Variants in CCDC85A observed in about 807,000 individuals in gnomAD.
CCDC85A encodes the protein coiled-coil domain-containing protein 85A.
In CCDC85A, 38 loss-of-function variants were observed where a neutral mutation model predicts 50.2. That is an observed-to-expected ratio of 0.76 (90% CI 0.58 to 0.99). The LOEUF is 0.99. CCDC85A is among the 50% of genes least tolerant of loss of function. The pLI is 0.00. For synonymous variants in CCDC85A, 366 were observed against 301.4 expected (o/e 1.21, Z -2.22); for missense variants, 820 against 742.0 (o/e 1.11, Z -1.22).
At chr2:56,362,029 G>A (rs1383152546) in intron 3 of CCDC85A, among the ~76,000 whole-genome samples, 1 of 152,092 alleles carries the variant, frequency 6.6e-6, no homozygotes, top group Non-Finnish European at 1.5e-5. Context: ...GTAGAGCTAA[G>A]GGTGCTTAAT....
chr2:56,308,915 C>A (rs2104217372), intron 2 of CCDC85A, among the ~76,000 whole-genome samples: 1 of 152,202 alleles, frequency 6.6e-6, no homozygotes, highest in African/African-American at 2.4e-5. Flanking sequence ...CACCTTTTGT[C>A]AAGAGTGAGC....
At chr2:56,283,561 CTGATA>C (rs1242209773) in intron 2 of CCDC85A, among the ~76,000 whole-genome samples, 1 of 152,080 alleles carries the variant, frequency 6.6e-6, no homozygotes, top group Middle Eastern at 3.2e-3. Flanking sequence ...ATGATGAATT[CTGATA>C]TGTAACTTTT....
At chr2:56,227,199 A>G (rs937707772) in intron 2 of CCDC85A, among the ~76,000 whole-genome samples, 14 of 152,056 alleles carry the variant, frequency 9.2e-5, no homozygotes, top group Non-Finnish European at 2.1e-4. Flanking sequence ...ATTTCTTTAC[A>G]TTCTTTTTTC....
chr2:56,219,476 C>A (rs973789500), intron 2 of CCDC85A, among the ~76,000 whole-genome samples: 1 of 151,444 alleles, frequency 6.6e-6, no homozygotes, highest in South Asian at 2.1e-4. Flanking sequence ...CATTTTGAAC[C>A]CCTATTCTGC....
At chr2:56,377,938 T>G (rs530436356) in intron 5 of CCDC85A, among the ~76,000 whole-genome samples, 24 of 152,076 alleles carry the variant, frequency 1.6e-4, no homozygotes, top group African/African-American at 1.9e-4. Flanking sequence ...GATTTTATGT[T>G]ATATTCAGTA....
At chr2:56,328,995 G>A (rs1317888920) in intron 2 of CCDC85A, among the ~76,000 whole-genome samples, 1 of 152,036 alleles carries the variant, frequency 6.6e-6, no homozygotes, top group African/African-American at 2.4e-5. Context: ...TTCCTCAGTG[G>A]GCTCCTCCTG....
chr2:56,276,969 A>G (rs1670976647), intron 2 of CCDC85A, among the ~76,000 whole-genome samples: 1 of 152,144 alleles, frequency 6.6e-6, no homozygotes, highest in African/African-American at 2.4e-5. Flanking sequence ...TAGAATTACT[A>G]CACAGCCTGA....
chr2:56,316,967 C>T (rs2104245313), intron 2 of CCDC85A, among the ~76,000 whole-genome samples: 1 of 152,144 alleles, frequency 6.6e-6, no homozygotes, highest in African/African-American at 2.4e-5. Context: ...CATCCCTAAA[C>T]CAGAGTTACG....
Position 56,379,837 on chromosome 2 carries a change from G to A in CCDC85A, c.1572+3902G>A, listed in dbSNP as rs1050101358. 1.3e-5 allele frequency: 13 copies of A among 975,920 alleles called. No individual in the cohort carries two copies. The African/African-American group carries it at 2.1e-4, about 16-fold the overall frequency. 60.5% of individuals were successfully genotyped at this position (975,920 alleles called of 1,614,324 possible). On this transcript the variant is annotated intron_variant, in intron 5 of 5. Transcript: ENST00000407595. ...TGAGACAGAAAAAGCTATAGTCAGA[G>A]AAATGTGCAATGTAAGTTTAATGTG... is the stretch of plus-strand genomic sequence containing the variant.
intron 2 of CCDC85A, among the ~76,000 whole-genome samples, chr2:56,255,816 A>G (rs1390279607): frequency 6.6e-6 from 1 of 152,132 alleles, no homozygotes; most frequent in East Asian, 1.9e-4. Context: ...GAACATGGTG[A>G]TAGGTACAGA....
chr2:56,252,701 G>A (rs763373880), intron 2 of CCDC85A, among the ~76,000 whole-genome samples: 11 of 151,894 alleles, frequency 7.2e-5, no homozygotes, highest in South Asian at 2.1e-4. Flanking sequence ...GGGCCCCCCC[G>A]CCCAACCGAC....
intron 2 of CCDC85A, among the ~76,000 whole-genome samples, chr2:56,281,193 A>G (rs1197045672): frequency 1.3e-5 from 2 of 152,104 alleles, no homozygotes; most frequent in East Asian, 3.8e-4. Flanking sequence ...ACCATACAGT[A>G]TTTACTTGTG....
At chr2:56,305,518 T>G (rs140406014) in intron 2 of CCDC85A, among the ~76,000 whole-genome samples, 34 of 152,348 alleles carry the variant, frequency 2.2e-4, no homozygotes, top group African/African-American at 7.9e-4. Context: ...GAGTACTCTG[T>G]AGTATGCAAC....
intron 2 of CCDC85A, among the ~76,000 whole-genome samples, chr2:56,237,142 G>C (rs1294664110): frequency 6.6e-6 from 1 of 152,044 alleles, no homozygotes; most frequent in Non-Finnish European, 1.5e-5. Context: ...GAATCTGATG[G>C]CTTCACCAAG....
intron 2 of CCDC85A, among the ~76,000 whole-genome samples, chr2:56,293,679 A>T (rs932727080): frequency 5.9e-5 from 9 of 152,368 alleles, no homozygotes; most frequent in African/African-American, 1.9e-4. Flanking sequence ...GAAGACATAT[A>T]TGCAACCAAC....
intron 2 of CCDC85A, among the ~76,000 whole-genome samples, chr2:56,298,288 AG>A (rs761647680): frequency 2.0e-5 from 3 of 152,134 alleles, no homozygotes; most frequent in Non-Finnish European, 2.9e-5. Context: ...TACAGAAGTG[AG>A]GGTTCTGGTG....
In CCDC85A at chr2:56,236,363, G is replaced by T. The variant is rs13420294; in HGVS notation, c.1240+42923G>T. The stretch of plus-strand genomic sequence containing the variant: ...CCTGACAGATCAGAATGTTGAGAGA[G>T]TTGAGGCAGCCGGGAGAATGGGACA... On this transcript the variant is annotated intron_variant, in intron 2 of 5. Coordinates refer to ENST00000407595, the MANE Select transcript of CCDC85A (RefSeq NM_001080433.2). Among the ~76,000 whole-genome samples, 1,026 of 152,288 alleles carry T rather than the reference G, an allele frequency of 6.7e-3. 5 individuals carry two copies. Among genetic ancestry groups the T allele is most frequent in the African/African-American group, 0.023 (956 of 41,570 alleles).
chr2:56,262,680 G>C (rs4672104), intron 2 of CCDC85A, among the ~76,000 whole-genome samples: 13,011 of 152,200 alleles, frequency 0.085, 774 homozygotes, highest in Admixed American at 0.2. Context: ...ACTACAGCAG[G>C]ATCAGATCTC....
intron 2 of CCDC85A, among the ~76,000 whole-genome samples, chr2:56,283,280 A>C (rs559433537): frequency 6.6e-6 from 1 of 152,302 alleles, no homozygotes; most frequent in South Asian, 2.1e-4. Flanking sequence ...ATTCTTCATA[A>C]TGTTCTTCCT....
Sources: gnomAD v4.1 joint callset for allele counts (sites outside exome capture counted in the v4.1 genomes callset) on GRCh38, gnomAD v4.1.1 for gene constraint, MANE v1.5 for transcripts, NCBI Gene and HGNC (gene_info 2026-07-23, HGNC 2026-07-21) for gene names.